The following SOX5 variants were observed in gnomAD, a reference collection of about 807,000 sequenced individuals.
SOX5 encodes the protein SRY-box transcription factor 5.
Under a neutral mutation model 92.0 loss-of-function variants are expected in SOX5, and 9 were observed. The ratio of observed to expected loss-of-function variants is 0.10; its 90% CI spans 0.06 to 0.17. The LOEUF is 0.17. Ranked by LOEUF, SOX5 falls within the 10% of genes least tolerant of loss-of-function variation. The pLI is 1.00. For synonymous variants in SOX5, 344 were observed against 336.3 expected, an observed-to-expected ratio of 1.02 and a Z score of -0.25; for missense variants, 642 against 944.5, an observed-to-expected ratio of 0.68 and a Z score of 4.20.
intron 1 of SOX5, among the ~76,000 whole-genome samples, chr12:24,463,194 G>C (rs935696511): frequency 2.0e-5 from 3 of 151,378 alleles, no homozygotes; most frequent in African/African-American, 7.3e-5. Context: ...GTGACATAGT[G>C]AGACCTTGTT....
At position 24,193,326 on chromosome 12, in the gene SOX5, C is replaced by T. The variant is rs188679419; in HGVS notation, c.-2+20017G>A. Among the ~76,000 whole-genome samples the T allele has an allele frequency of 3.9e-5, 6 of 152,310 alleles. No individual in the cohort carries two copies. In the East Asian group the frequency reaches 1.2e-3, roughly 29 times the overall value. On this transcript the variant is annotated intron_variant, in intron 4 of 4. Coordinates refer to the SOX5 transcript ENST00000446891. ...ACTACAAATGGCTAGAACCTCATGT[C>T]CACACCTCATCTGAAAGATGATGAC... is the stretch of plus-strand genomic sequence containing the variant.
At position 24,278,099 on chromosome 12, in the gene SOX5, T is replaced by C. The variant is rs575976484; in HGVS notation, c.-173-787A>G. On this transcript the variant is annotated intron_variant, in intron 2 of 4. Coordinates refer to the SOX5 transcript ENST00000446891. ...ACGGTAGGAGCCACAGCCTTGATTC[T>C]GGCTCAGTCGCTCCGCTATTAGTCC... Among the ~76,000 whole-genome samples the C allele has an allele frequency of 4.7e-4, 72 of 152,314 alleles. 1 individual carries two copies. In the South Asian group the frequency reaches 6.0e-3, roughly 13 times the overall value.
At chr12:24,283,502 C>T (rs1390826018) in intron 2 of SOX5, among the ~76,000 whole-genome samples, 2 of 152,172 alleles carry the variant, frequency 1.3e-5, no homozygotes, top group Non-Finnish European at 2.9e-5. Flanking sequence ...GAAAATATGC[C>T]ACCTGCACAA....
chr12:23,703,941 A>G (rs7968219), intron 6 of SOX5, among the ~76,000 whole-genome samples: 10,220 of 151,932 alleles, frequency 0.067, 415 homozygotes, highest in African/African-American at 0.11. Context: ...ATGTATAGAT[A>G]CTCCTGCATT....
chr12:24,078,172 A>C (rs1374464664), intron 4 of SOX5, among the ~76,000 whole-genome samples: 2 of 152,076 alleles, frequency 1.3e-5, no homozygotes, highest in Non-Finnish European at 2.9e-5. Context: ...TTAAATCTTA[A>C]ATAGATATGC....
At chr12:24,352,619 T>A (rs112388903) in intron 2 of SOX5, among the ~76,000 whole-genome samples, 35 of 152,358 alleles carry the variant, frequency 2.3e-4, no homozygotes, top group Admixed American at 2.6e-4. Context: ...TTGGTTTTTT[T>A]ATCTAGTCAA....
At chr12:24,237,570 G>T (rs549838583) in intron 3 of SOX5, among the ~76,000 whole-genome samples, 3 of 150,098 alleles carry the variant, frequency 2.0e-5, no homozygotes, top group Non-Finnish European at 3.0e-5. Flanking sequence ...TAAACTCCAA[G>T]CCTGGAAGTC....
rs186237107 is a variant in SOX5, at chr12:24,545,637, A to G, written c.-251+16692T>C. Among the ~76,000 whole-genome samples the G allele has an allele frequency of 2.0e-5, 3 of 152,386 alleles. No homozygotes were observed. In the East Asian group the frequency reaches 5.8e-4, roughly 29 times the overall value. Reference sequence around the variant, plus strand: ...GCATCCGCATTTTAATAAAAATCTGAGAATTCTAAAAAATAGAGAAGTTAT... The same window carrying G: ...GCATCCGCATTTTAATAAAAATCTGGGAATTCTAAAAAATAGAGAAGTTAT... On this transcript the variant is annotated intron_variant, in intron 1 of 4. Transcript: ENST00000446891.
intron 2 of SOX5, among the ~76,000 whole-genome samples, chr12:23,853,520 G>T (rs949660044): frequency 6.7e-6 from 1 of 149,710 alleles, no homozygotes; most frequent in Non-Finnish European, 1.5e-5. Flanking sequence ...TGTAGATGCT[G>T]CATGGGCAAA....
chr12:23,684,258 A>G (rs535939287), intron 6 of SOX5, among the ~76,000 whole-genome samples: 1 of 152,150 alleles, frequency 6.6e-6, no homozygotes, highest in African/African-American at 2.4e-5. Context: ...TTTGGCCAGC[A>G]ACATAAATGC....
chr12:24,253,564 G>A (rs533998997), intron 3 of SOX5, among the ~76,000 whole-genome samples: 2 of 152,082 alleles, frequency 1.3e-5, no homozygotes, highest in Non-Finnish European at 2.9e-5. Flanking sequence ...ATTTGTAAGA[G>A]GTGTGGGAAA....
chr12:23,571,647 C>G (rs1476413309), intron 10 of SOX5, among the ~76,000 whole-genome samples: 10 of 152,126 alleles, frequency 6.6e-5, no homozygotes, highest in African/African-American at 2.2e-4. Flanking sequence ...TTATAAGGCT[C>G]CAAAATCCAT....
At chr12:24,181,483 T>C (rs1955491137) in intron 4 of SOX5, among the ~76,000 whole-genome samples, 1 of 152,194 alleles carries the variant, frequency 6.6e-6, no homozygotes, top group Non-Finnish European at 1.5e-5. Flanking sequence ...TTCTTTTGCC[T>C]GTTTATATTG....
intron 11 of SOX5, among the ~76,000 whole-genome samples, chr12:23,559,906 G>A (rs1201923764): frequency 6.6e-6 from 1 of 151,894 alleles, no homozygotes; most frequent in Non-Finnish European, 1.5e-5. Context: ...GGGGAGTTAG[G>A]AGTGTTATTA....
chr12:23,816,848 T>C (rs1460465375), intron 3 of SOX5, among the ~76,000 whole-genome samples: 1 of 152,142 alleles, frequency 6.6e-6, no homozygotes, highest in Admixed American at 6.5e-5. Flanking sequence ...ACATATAGGA[T>C]GGCACAAATA....
intron 7 of SOX5, among the ~76,000 whole-genome samples, chr12:23,643,855 G>A (rs1425192305): frequency 1.3e-5 from 2 of 152,162 alleles, no homozygotes; most frequent in Non-Finnish European, 2.9e-5. Flanking sequence ...GAGGCAGGAA[G>A]TGTAGACCCT....
chr12:24,400,873 T>C (rs1961369952), intron 1 of SOX5, among the ~76,000 whole-genome samples: 1 of 152,210 alleles, frequency 6.6e-6, no homozygotes, highest in African/African-American at 2.4e-5. Context: ...ACTTTATAAA[T>C]GTCAGTGTCT....
chr12:24,035,732 T>C (rs1955966983), intron 4 of SOX5, among the ~76,000 whole-genome samples: 1 of 152,008 alleles, frequency 6.6e-6, no homozygotes, highest in Non-Finnish European at 1.5e-5. Flanking sequence ...AGTTGAAAAA[T>C]ATTTCAAATT....
intron 4 of SOX5, among the ~76,000 whole-genome samples, chr12:24,148,506 AG>A (rs1356118082): frequency 2.1e-4 from 7 of 33,740 alleles, no homozygotes; most frequent in Non-Finnish European, 2.8e-4. Flanking sequence ...AAAAAAAAAG[AG>A]AGAGAGAGAG....
Sources: allele counts gnomAD v4.1 joint callset (sites outside exome capture counted in the v4.1 genomes callset), GRCh38; gene constraint gnomAD v4.1.1; transcripts MANE v1.5; gene names NCBI Gene and HGNC (gene_info 2026-07-23, HGNC 2026-07-21).